The following CDH18 variants were observed in gnomAD, a reference collection of about 807,000 sequenced individuals.
The protein encoded by CDH18 is cadherin 18.
In CDH18, 31 loss-of-function variants were observed where a neutral mutation model predicts 67.9. The observed-to-expected ratio is 0.46, with a 90% CI of 0.34 to 0.62. The LOEUF (loss-of-function observed/expected upper bound fraction) is 0.62. Among genes scored for constraint, CDH18 ranks in the 20% least tolerant of loss-of-function variants. The pLI, the probability that CDH18 is intolerant of heterozygous loss-of-function variation, is 0.01. For missense variants in CDH18, 890 were observed against 975.5 expected, an observed-to-expected ratio of 0.91 and a Z score of 1.17; for synonymous variants, 362 against 347.2, an observed-to-expected ratio of 1.04 and a Z score of -0.48.
intron 2 of CDH18, among the ~76,000 whole-genome samples, chr5:19,879,973 C>T (rs901615725): frequency 1.3e-5 from 2 of 151,914 alleles, no homozygotes; most frequent in African/African-American, 4.8e-5. Context: ...TTATAGAAAA[C>T]TATGTACACA....
chr5:19,628,516 T>C (rs1397894829), intron 5 of CDH18, among the ~76,000 whole-genome samples: 1 of 152,130 alleles, frequency 6.6e-6, no homozygotes, highest in Non-Finnish European at 1.5e-5. Flanking sequence ...AAGTCCTGGA[T>C]ATATGTTGAC....
intron 11 of CDH18, among the ~76,000 whole-genome samples, chr5:19,488,121 T>C (rs534192706): frequency 1.3e-5 from 2 of 152,180 alleles, no homozygotes; most frequent in Non-Finnish European, 2.9e-5. Flanking sequence ...TTGAAAGACC[T>C]TGCAGGATAG....
intron 5 of CDH18, among the ~76,000 whole-genome samples, chr5:19,628,051 C>T (rs1751819193): frequency 6.6e-6 from 1 of 152,100 alleles, no homozygotes; most frequent in African/African-American, 2.4e-5. Flanking sequence ...ACTGTAGCTC[C>T]CATAATTCCC....
At chr5:19,981,593 A>G (rs1334599382) in intron 1 of CDH18, among the ~76,000 whole-genome samples, 2 of 152,146 alleles carry the variant, frequency 1.3e-5, no homozygotes, top group African/African-American at 2.4e-5. Flanking sequence ...CTTATGACCT[A>G]AGCATTTTTC....
At chr5:19,522,894 CAA>C (rs36099222) in intron 9 of CDH18, among the ~76,000 whole-genome samples, 14,313 of 82,962 alleles carry the variant, frequency 0.17, 557 homozygotes, top group Non-Finnish European at 0.2. Context: ...GACTCCTTCT[CAA>C]AAAAAAAAAA....
intron 1 of CDH18, among the ~76,000 whole-genome samples, chr5:20,369,963 C>T (rs1367891093): frequency 1.3e-5 from 2 of 152,104 alleles, no homozygotes; most frequent in African/African-American, 2.4e-5. Context: ...CACAGATCAA[C>T]CCATCACCCA....
At chr5:20,560,930 A>T (rs934569248) in intron 1 of CDH18, among the ~76,000 whole-genome samples, 1 of 152,152 alleles carries the variant, frequency 6.6e-6, no homozygotes, top group Non-Finnish European at 1.5e-5. Context: ...TAAGAAAATT[A>T]ACAAACTAAA....
chr5:20,489,579 C>T (rs1248014155), intron 1 of CDH18, among the ~76,000 whole-genome samples: 1 of 152,004 alleles, frequency 6.6e-6, no homozygotes, highest in Non-Finnish European at 1.5e-5. Context: ...ATGTAATTCA[C>T]AGTAAGTTTG....
intron 5 of CDH18, among the ~76,000 whole-genome samples, chr5:19,697,424 T>C (rs952163451): frequency 6.6e-6 from 1 of 152,174 alleles, no homozygotes; most frequent in Non-Finnish European, 1.5e-5. Context: ...TGTAGGCATA[T>C]TGGTTATTGT....
chr5:20,500,524 G>A (rs758188838), intron 1 of CDH18, among the ~76,000 whole-genome samples: 16 of 152,152 alleles, frequency 1.1e-4, no homozygotes, highest in Non-Finnish European at 1.6e-4. Context: ...TCTGGGAACA[G>A]GTATAATGGC....
chr5:20,040,031 T>C (rs1740270140), intron 2 of CDH18, among the ~76,000 whole-genome samples: 1 of 152,036 alleles, frequency 6.6e-6, no homozygotes, highest in South Asian at 2.1e-4. Flanking sequence ...CATCAAAAAG[T>C]GGGCAAAGCA....
intron 4 of CDH18, among the ~76,000 whole-genome samples, chr5:19,727,303 T>C (rs1766965815): frequency 6.6e-6 from 1 of 152,150 alleles, no homozygotes; most frequent in African/African-American, 2.4e-5. Context: ...GCCAGAGTAG[T>C]GCGGGCCTCT....
chr5:19,585,222 T>G (rs1423821364), intron 7 of CDH18, among the ~76,000 whole-genome samples: 1 of 152,122 alleles, frequency 6.6e-6, no homozygotes, highest in African/African-American at 2.4e-5. Flanking sequence ...TTTTCAGACC[T>G]CTAATTAATT....
intron 2 of CDH18, among the ~76,000 whole-genome samples, chr5:19,934,202 G>A (rs1234751992): frequency 1.3e-5 from 2 of 151,198 alleles, no homozygotes; most frequent in South Asian, 2.1e-4. Context: ...GAGAGAGAGA[G>A]AAAAGGAAGA....
In CDH18 at chr5:19,755,452, T is replaced by TACAC. The variant is rs1246433104; in HGVS notation, c.229-8217_229-8216insGTGT. 4.9e-3 allele frequency among the ~76,000 whole-genome samples: 97 copies of TACAC among 20,000 alleles called. 16 individuals are homozygous for TACAC. The highest frequency in any genetic ancestry group is 0.04 in the Non-Finnish European group (81 of 2,036). 13.1% of individuals were successfully genotyped at this position (20,000 alleles called of 152,430 possible). On this transcript the variant is annotated intron_variant, in intron 3 of 12. Coordinates refer to ENST00000382275, the MANE Select transcript of CDH18 (RefSeq NM_004934.5). Reference sequence around the variant, plus strand: ...GTATGTATATATATATATATATATATATATATACACACACACACACACATA... The same window carrying TACAC: ...GTATGTATATATATATATATATATATACACATATATACACACACACACACACATA...
intron 3 of CDH18, among the ~76,000 whole-genome samples, chr5:19,755,542 T>A (rs375597644): frequency 1.5e-5 from 2 of 133,580 alleles, no homozygotes; most frequent in East Asian, 2.1e-4. Context: ...GTTTTATATT[T>A]TATATATATA....
chr5:20,565,874 T>C (rs1334944943), intron 1 of CDH18, among the ~76,000 whole-genome samples: 1 of 152,100 alleles, frequency 6.6e-6, no homozygotes, highest in Non-Finnish European at 1.5e-5. Flanking sequence ...CAAGCAACCC[T>C]ATTAAATATA....
intron 3 of CDH18, among the ~76,000 whole-genome samples, chr5:19,782,596 G>A (rs1337888835): frequency 6.6e-6 from 1 of 152,180 alleles, no homozygotes; most frequent in East Asian, 1.9e-4. Flanking sequence ...AGTCAGGGCA[G>A]CACGATGGTG....
intron 2 of CDH18, among the ~76,000 whole-genome samples, chr5:20,007,613 A>C (rs570072847): frequency 6.6e-6 from 1 of 151,718 alleles, no homozygotes; most frequent in Non-Finnish European, 1.5e-5. Flanking sequence ...CAAGAGAGAG[A>C]GTAGCGGGAG....
Sources: gnomAD v4.1 joint callset for allele counts (sites outside exome capture counted in the v4.1 genomes callset) on GRCh38, gnomAD v4.1.1 for gene constraint, MANE v1.5 for transcripts, NCBI Gene and HGNC (gene_info 2026-07-23, HGNC 2026-07-21) for gene names.